NTRK3: variants seen among roughly 807,000 people sequenced by gnomAD.
NTRK3 encodes neurotrophic receptor tyrosine kinase 3, also known as NT-3 growth factor receptor.
A neutral mutation model predicts 91.7 loss-of-function variants in NTRK3; 24 were observed. The ratio of observed to expected loss-of-function variants is 0.26; its 90% confidence interval spans 0.19 to 0.37. The LOEUF (loss-of-function observed/expected upper bound fraction) is 0.37, where lower values mean the gene tolerates loss of function less well. Ranked by LOEUF, NTRK3 falls within the 10% of genes least tolerant of loss-of-function variation. The pLI is 1.00. For missense variants in NTRK3, 880 were observed against 1,068.9 expected (o/e 0.82, Z 2.46); for synonymous variants, 483 against 404.0 (o/e 1.20, Z -2.34).
At chr15:87,905,394 G>C (rs1017611133) in intron 17 of NTRK3, among the ~76,000 whole-genome samples, 1 of 152,110 alleles carries the variant, frequency 6.6e-6, no homozygotes, top group Non-Finnish European at 1.5e-5. Context: ...ATGGTGATTT[G>C]CTTGAAACAT....
chr15:87,950,874 A>G (rs947934227), intron 14 of NTRK3, among the ~76,000 whole-genome samples: 5 of 152,186 alleles, frequency 3.3e-5, no homozygotes, highest in Non-Finnish European at 5.9e-5. Flanking sequence ...GAGTTTTGAT[A>G]TCTTTAAATG....
At chr15:88,247,874 G>C (rs1454440539) in intron 3 of NTRK3, among the ~76,000 whole-genome samples, 3 of 152,112 alleles carry the variant, frequency 2.0e-5, no homozygotes, top group Non-Finnish European at 2.9e-5. Context: ...GGGGGATAAA[G>C]GCTGCTTATT....
intron 3 of NTRK3, among the ~76,000 whole-genome samples, chr15:88,242,748 T>G (rs1598144427): frequency 6.6e-6 from 1 of 152,302 alleles, no homozygotes; most frequent in South Asian, 2.1e-4. Flanking sequence ...ATCTGCTCAT[T>G]CTTCCCCAAC....
chr15:88,057,325 C>T (rs1360895316), intron 13 of NTRK3, among the ~76,000 whole-genome samples: 1 of 151,306 alleles, frequency 6.6e-6, no homozygotes, highest in Non-Finnish European at 1.5e-5. Context: ...GGCGAAACCC[C>T]GTTTCCACTA....
chr15:88,124,971 C>T (rs1229970691), intron 13 of NTRK3, among the ~76,000 whole-genome samples: 1 of 152,146 alleles, frequency 6.6e-6, no homozygotes, highest in East Asian at 1.9e-4. Flanking sequence ...GCACCCTGTA[C>T]CCATTTTTTG....
At chr15:88,109,631 G>C (rs548749735) in intron 13 of NTRK3, among the ~76,000 whole-genome samples, 22 of 152,274 alleles carry the variant, frequency 1.4e-4, no homozygotes, top group African/African-American at 5.3e-4. Flanking sequence ...AGAAAGAGGT[G>C]GGGGGCTGGG....
At chr15:88,006,379 G>C (rs903299268) in intron 14 of NTRK3, among the ~76,000 whole-genome samples, 3 of 152,220 alleles carry the variant, frequency 2.0e-5, no homozygotes, top group African/African-American at 7.2e-5. Flanking sequence ...ATTAGCAGTG[G>C]AGGCAGCTTT....
intron 3 of NTRK3, among the ~76,000 whole-genome samples, chr15:88,219,708 G>A (rs1264138820): frequency 6.6e-6 from 1 of 152,230 alleles, no homozygotes; most frequent in Non-Finnish European, 1.5e-5. Flanking sequence ...TCCAGGGGTG[G>A]TGGAGGTCAA....
intron 3 of NTRK3, among the ~76,000 whole-genome samples, chr15:88,212,519 G>C (rs768032761): frequency 2.2e-4 from 33 of 152,272 alleles, no homozygotes; most frequent in South Asian, 6.2e-4. Flanking sequence ...TGTGTAAAGG[G>C]TAAAGCTGCC....
chr15:87,936,101 C>A (rs769787586), intron 15 of NTRK3, among the ~76,000 whole-genome samples: 14 of 152,132 alleles, frequency 9.2e-5, no homozygotes, highest in Non-Finnish European at 1.5e-4. Flanking sequence ...CCGTGGGGTC[C>A]ACATTTAACA....
Position 88,036,789 on chromosome 15 carries a change from G to A in NTRK3, c.1397-3744C>T, listed in dbSNP as rs1318752087. 2.0e-5 allele frequency among the ~76,000 whole-genome samples: 3 copies of A among 152,230 alleles called. No homozygotes were observed. In the South Asian group the frequency reaches 6.2e-4, roughly 32 times the overall value. ...GAAGACACAAAGACCACACGCAACA[G>A]AAGTTCACCTCCAACCCCGCCCCTT... On this transcript the variant is annotated intron_variant, in intron 13 of 18. Transcript: ENST00000394480.
intron 3 of NTRK3, among the ~76,000 whole-genome samples, chr15:88,215,344 G>GC (rs946808630): frequency 6.6e-6 from 1 of 152,200 alleles, no homozygotes; most frequent in African/African-American, 2.4e-5. Context: ...GGCAAACACG[G>GC]CCCCCCACTG....
chr15:87,964,026 G>A (rs1373946044), intron 14 of NTRK3, among the ~76,000 whole-genome samples: 2 of 152,054 alleles, frequency 1.3e-5, no homozygotes, highest in African/African-American at 2.4e-5. Context: ...ACAACAATGA[G>A]GGAGTTCTCT....
intron 13 of NTRK3, among the ~76,000 whole-genome samples, chr15:88,079,282 T>C (rs2047836781): frequency 6.6e-6 from 1 of 152,190 alleles, no homozygotes; most frequent in Admixed American, 6.5e-5. Flanking sequence ...TGACAAGAGC[T>C]AGGCCAGCAG....
chr15:88,044,292 G>T (rs1431373484), intron 13 of NTRK3, among the ~76,000 whole-genome samples: 1 of 109,368 alleles, frequency 9.1e-6, no homozygotes, highest in African/African-American at 3.5e-5. Context: ...ATGGAGTCTT[G>T]CTCTGTTGCC....
intron 14 of NTRK3, among the ~76,000 whole-genome samples, chr15:87,989,404 C>G (rs1416434029): frequency 6.6e-6 from 1 of 151,946 alleles, no homozygotes; most frequent in Non-Finnish European, 1.5e-5. Flanking sequence ...ATCGCAAGGA[C>G]AAAAAACCAA....
chr15:87,895,591 C>T (rs1187144513), intron 17 of NTRK3, among the ~76,000 whole-genome samples: 3 of 152,188 alleles, frequency 2.0e-5, no homozygotes, highest in Non-Finnish European at 4.4e-5. Context: ...GAAAAATCCA[C>T]ATTATATGGA....
intron 14 of NTRK3, among the ~76,000 whole-genome samples, chr15:88,012,120 G>C (rs1356271309): frequency 6.6e-6 from 1 of 152,152 alleles, no homozygotes; most frequent in African/African-American, 2.4e-5. Flanking sequence ...ATGAAGGAGA[G>C]AGCATGCATT....
At chr15:87,993,705 C>G (rs1368767135) in intron 14 of NTRK3, among the ~76,000 whole-genome samples, 1 of 152,136 alleles carries the variant, frequency 6.6e-6, no homozygotes, top group African/African-American at 2.4e-5. Flanking sequence ...ATAGCAGATA[C>G]CAGCAAATGT....
Sources: gnomAD v4.1 joint callset for allele counts (sites outside exome capture counted in the v4.1 genomes callset) on GRCh38, gnomAD v4.1.1 for gene constraint, MANE v1.5 for transcripts, NCBI Gene and HGNC (gene_info 2026-07-23, HGNC 2026-07-21) for gene names.